The following MMEL1 variants were observed in gnomAD, a reference collection of about 807,000 sequenced individuals.
MMEL1 encodes membrane metalloendopeptidase like 1, also known as membrane metallo-endopeptidase-like 1.
A neutral mutation model predicts 117.1 loss-of-function variants in MMEL1; 98 were observed. That is an observed-to-expected ratio of 0.84 (90% confidence interval 0.71 to 0.99). The LOEUF is 0.99. MMEL1 is among the 50% of genes least tolerant of loss of function. The probability of loss-of-function intolerance (pLI) is 0.00; values close to 1 mark genes in which losing one functional copy is unlikely to be tolerated. For synonymous variants in MMEL1, 390 were observed against 415.1 expected, an observed-to-expected ratio of 0.94 and a Z score of 0.74; for missense variants, 1,014 against 1,049.1, an observed-to-expected ratio of 0.97 and a Z score of 0.46.
In MMEL1 at chr1:2,591,054, G is replaced by T. The variant is rs1377679497; in HGVS notation, c.2276C>A (p.Ala759Glu). ...GCCCCGGGCACAGTGGAACGTGTCT[G>T]CGAAGGCGGCCAGGTTCTGCAGCGA... is the stretch of plus-strand genomic sequence containing the variant. ...LGSLQNLAAF[A>E]DTFHCARGTP... The change falls in exon 24 of 24, where the codon GCA (alanine) becomes GAA (glutamate). Residue 759 changes from alanine to glutamate, a missense_variant. Ala to Glu is a moderately radical substitution (Grantham distance 107, BLOSUM62 -1). Coordinates refer to ENST00000378412, the MANE Select transcript of MMEL1 (RefSeq NM_033467.4). 1.9e-6 allele frequency: 3 copies of T among 1,606,586 alleles called. No individual in the cohort carries two copies. The highest frequency in any genetic ancestry group is 2.5e-6 in the Non-Finnish European group (3 of 1,177,136).
rs1570636450 is a variant in MMEL1, at chr1:2,591,210, G to A, written c.2241-121C>T. ...AGCCTAATGGCTCATGTCAGTATGA[G>A]CAGAAACATTTCAACCATGAGATAA... On this transcript the variant is annotated intron_variant, in intron 23 of 23. Transcript: ENST00000378412. The A allele has an allele frequency of 7.5e-6, 5 of 664,380 alleles. No individual in the cohort carries two copies. The East Asian group carries it at 1.1e-4, about 15-fold the overall frequency. The allele number at this position is 664,380 out of a possible 1,614,324, so 41.2% of individuals were successfully genotyped here. A position where few individuals can be genotyped will look rare whatever the true frequency, so the allele number is the denominator to read the frequency against.
chr1:2,631,628 C>T (rs888980948), intron 1 of MMEL1, among the ~76,000 whole-genome samples: 3 of 152,116 alleles, frequency 2.0e-5, no homozygotes, highest in Non-Finnish European at 4.4e-5. Context: ...CCTCAGCCAC[C>T]TCTCTCAGTC....
At chr1:2,606,187 C>T (rs1196477654) in intron 8 of MMEL1, 61 bp downstream of exon 8, 40 of 1,367,684 alleles carry the variant, frequency 2.9e-5, no homozygotes, top group Non-Finnish European at 3.9e-5. Flanking sequence ...TGCTGTGCTG[C>T]AAGAGCCCCC....
rs892442638 is a variant in MMEL1, at chr1:2,594,265, G to A, written c.1747+120C>T. On this transcript the variant is annotated intron_variant, in intron 18 of 23. Transcript: ENST00000378412. ...GGGGGCAGCAAGGGGTGACATAGGA[G>A]AATGTTCCAAGAACAGGCTGGGGTG... 5.3e-6 allele frequency: 6 copies of A among 1,122,522 alleles called. No individual in the cohort carries two copies. The South Asian group carries it at 8.0e-5, about 15-fold the overall frequency. 69.5% of individuals were successfully genotyped at this position (1,122,522 alleles called of 1,614,324 possible). A position where few individuals can be genotyped will look rare whatever the true frequency, so the allele number is the denominator to read the frequency against.
chr1:2,600,053 T>A (rs1229601134), intron 11 of MMEL1, among the ~76,000 whole-genome samples: 1 of 152,068 alleles, frequency 6.6e-6, no homozygotes, highest in Non-Finnish European at 1.5e-5. Flanking sequence ...CTGCAACCTC[T>A]GACCCCTGGG....
At chr1:2,626,092 C>T (rs6422657) in intron 2 of MMEL1, among the ~76,000 whole-genome samples, 91,207 of 152,078 alleles carry the variant, frequency 0.6, 28,139 homozygotes, top group Non-Finnish European at 0.68. Flanking sequence ...CTTCAAGCAG[C>T]GTACCTTGTT....
intron 2 of MMEL1, among the ~76,000 whole-genome samples, chr1:2,619,360 A>G (rs536307537): frequency 4.4e-4 from 67 of 152,314 alleles, no homozygotes; most frequent in African/African-American, 1.6e-3. Flanking sequence ...AAATGCTTCA[A>G]AAAGAATCAA....
intron 13 of MMEL1, among the ~76,000 whole-genome samples, chr1:2,597,785 C>T (rs373255545): frequency 6.6e-6 from 1 of 152,192 alleles, no homozygotes; most frequent in Non-Finnish European, 1.5e-5. Flanking sequence ...TGCTGTGGCC[C>T]GTGGTCACCT....
intron 21 of MMEL1, 67 bp from the exon 22 acceptor site, chr1:2,592,094 G>A: frequency 7.4e-7 from 1 of 1,359,220 alleles, no homozygotes; most frequent in South Asian, 1.2e-5. Context: ...TCAGATCTCA[G>A]GGCAGAGCAG....
At chr1:2,616,342 C>CA (rs60641053) in intron 2 of MMEL1, among the ~76,000 whole-genome samples, 3,988 of 89,142 alleles carry the variant, frequency 0.045, 176 homozygotes, top group East Asian at 0.064. Flanking sequence ...GACCCTAGCT[C>CA]AAAAAAAAAA....
rs1253641427 is a variant in MMEL1, at chr1:2,590,914, G to A, written c.*76C>T. On this transcript the variant is annotated 3_prime_UTR_variant, in exon 24 of 24. Coordinates refer to ENST00000378412, the MANE Select transcript of MMEL1 (RefSeq NM_033467.4). Reference sequence around the variant, plus strand: ...GCCGGGGCGGGACGTACACTGGGTCGCCGCTAGCTGCACCTTCGCACAGAT... The same window carrying A: ...GCCGGGGCGGGACGTACACTGGGTCACCGCTAGCTGCACCTTCGCACAGAT... The A allele has an allele frequency of 2.1e-5, 24 of 1,163,914 alleles. No individual in the cohort carries two copies. Among genetic ancestry groups the A allele is most frequent in the South Asian group, 2.3e-5 (1 of 44,282 alleles). The allele number at this position is 1,163,914 out of a possible 1,614,324, so 72.1% of individuals were successfully genotyped here. A position where few individuals can be genotyped will look rare whatever the true frequency, so the allele number is the denominator to read the frequency against.
rs768398972 is a variant in MMEL1, at chr1:2,590,979, C to T, written c.*11G>A. The T allele has an allele frequency of 2.6e-6, 4 of 1,565,076 alleles. No homozygotes were observed. The highest frequency in any genetic ancestry group is 2.6e-6 in the Non-Finnish European group (3 of 1,156,652). ...GGTGGGCGTGGGCCGCACAGCGCGG[C>T]AGGGCCTTGGCTACCACACGCGGCA... On this transcript the variant is annotated 3_prime_UTR_variant, in exon 24 of 24. Coordinates refer to ENST00000378412, the MANE Select transcript of MMEL1 (RefSeq NM_033467.4).
intron 2 of MMEL1, among the ~76,000 whole-genome samples, chr1:2,613,718 G>A (rs1557548000): frequency 6.6e-6 from 1 of 152,112 alleles, no homozygotes; most frequent in Non-Finnish European, 1.5e-5. Flanking sequence ...AAGCATGGCG[G>A]CATACGTCTG....
chr1:2,598,153 C>T (rs765606805), intron 13 of MMEL1, 54 bp downstream of exon 13: 242 of 1,507,012 alleles, frequency 1.6e-4, no homozygotes, highest in East Asian at 4.5e-4. Context: ...TGCTCAGCAT[C>T]GTGGCCTGAA....
intron 13 of MMEL1, among the ~76,000 whole-genome samples, chr1:2,597,998 C>A (rs2764840): frequency 6.6e-6 from 1 of 152,076 alleles, no homozygotes; most frequent in African/African-American, 2.4e-5. Flanking sequence ...CCTGCCTCCC[C>A]GCCACATCAT....
intron 3 of MMEL1, among the ~76,000 whole-genome samples, chr1:2,611,799 C>T (rs1048139154): frequency 2.6e-4 from 39 of 152,330 alleles, no homozygotes; most frequent in Admixed American, 6.5e-4. Context: ...TCACCTGCTG[C>T]CAGGGCCAGC....
chr1:2,610,921 G>A (rs1428468754), intron 4 of MMEL1, among the ~76,000 whole-genome samples: 2 of 152,208 alleles, frequency 1.3e-5, no homozygotes, highest in African/African-American at 2.4e-5. Flanking sequence ...TGCAAATAGC[G>A]GTACCTGACC....
intron 12 of MMEL1, among the ~76,000 whole-genome samples, 165 bp from the exon 13 acceptor site, chr1:2,598,465 G>T (rs764577459): frequency 1.3e-5 from 2 of 152,174 alleles, no homozygotes; most frequent in Non-Finnish European, 2.9e-5. Context: ...ATCTGCCCCG[G>T]GTGCTTGGGA....
intron 2 of MMEL1, among the ~76,000 whole-genome samples, chr1:2,616,348 A>AAG (rs1645199831): frequency 6.6e-6 from 1 of 151,364 alleles, no homozygotes; most frequent in East Asian, 1.9e-4. Context: ...AGCTCAAAAA[A>AAG]AAAAAAAAAA....
Sources: allele counts gnomAD v4.1 joint callset (sites outside exome capture counted in the v4.1 genomes callset), GRCh38; gene constraint gnomAD v4.1.1; transcripts MANE v1.5; gene names NCBI Gene and HGNC (gene_info 2026-07-23, HGNC 2026-07-21).